Variants in BRINP2 observed in about 807,000 individuals in gnomAD.
BRINP2 encodes the protein BMP/retinoic acid inducible neural specific 2, also known as BMP/retinoic acid-inducible neural-specific protein 2.
In BRINP2, 21 loss-of-function variants were observed where a neutral mutation model predicts 69.2. The observed-to-expected ratio is 0.30, with a 90% CI of 0.22 to 0.44. BRINP2 has a LOEUF of 0.44. Among genes scored for constraint, BRINP2 ranks in the 20% least tolerant of loss-of-function variants. BRINP2 has a pLI of 1.00. For synonymous variants in BRINP2, 380 were observed against 394.1 expected (o/e 0.96, Z 0.42); for missense variants, 877 against 986.0 (o/e 0.89, Z 1.48).
intron 1 of BRINP2, among the ~76,000 whole-genome samples, chr1:177,203,204 A>C (rs1477137953): frequency 6.6e-6 from 1 of 150,822 alleles, no homozygotes; most frequent in East Asian, 2.0e-4. Flanking sequence ...GGAAACCATC[A>C]TTCTCAGCAA....
chr1:177,281,625 C>T lies in BRINP2; in HGVS notation c.*97C>T, dbSNP rs1651705485. On this transcript the variant is annotated 3_prime_UTR_variant, in exon 8 of 8. Transcript: ENST00000361539. ...CACCTTAGTGCCAACAGGGTGTGCT[C>T]CCACGAGACTTTCAGCATCCAGTAG... 2.8e-6 allele frequency: 4 copies of T among 1,447,152 alleles called. No homozygotes were observed. Among genetic ancestry groups the T allele is most frequent in the South Asian group, 1.4e-5 (1 of 72,914 alleles). The allele number at this position is 1,447,152 out of a possible 1,614,324, so 89.6% of individuals were successfully genotyped here.
At chr1:177,257,066 G>T (rs770382306) in intron 3 of BRINP2, 110 bp from the exon 4 acceptor site, 2 of 1,565,566 alleles carry the variant, frequency 1.3e-6, no homozygotes, top group African/African-American at 2.7e-5. Context: ...GGCAGCAGGG[G>T]CTGCACTCTC....
At chr1:177,256,285 A>G in intron 3 of BRINP2, 176 bp downstream of exon 3, 1 of 980,540 alleles carries the variant, frequency 1.0e-6, no homozygotes, top group Non-Finnish European at 1.2e-6. Context: ...TTACCCCAGA[A>G]CATCTCTATT....
At position 177,199,319 on chromosome 1, in the gene BRINP2, T is replaced by C. The variant is rs147012527; in HGVS notation, c.-77+27587T>C. Among the ~76,000 whole-genome samples, 772 of 152,262 alleles carry C rather than the reference T, an allele frequency of 5.1e-3. 7 individuals carry two copies. Among genetic ancestry groups the C allele is most frequent in the African/African-American group, 0.018 (739 of 41,544 alleles). On this transcript the variant is annotated intron_variant, in intron 1 of 7. Transcript: ENST00000361539. ...GCCGCATACACTAGAGCACTTTTGT[T>C]TGACTTTTTAAGGACAACTTTGCCC...
At chr1:177,209,928 C>A (rs112112485) in intron 1 of BRINP2, among the ~76,000 whole-genome samples, 4,301 of 152,218 alleles carry the variant, frequency 0.028, 97 homozygotes, top group Non-Finnish European at 0.047. Flanking sequence ...AATTTCAGCA[C>A]CTGGCAACAA....
chr1:177,280,558 G>A lies in BRINP2; in HGVS notation c.1382G>A (p.Gly461Asp), dbSNP rs752549446. ...SCQGPIPCALGEGPACAHCAP... is the reference protein window; with the variant it reads ...SCQGPIPCALDEGPACAHCAP... ...CAGGGCCCCATCCCATGTGCCTTGG[G>A]CGAAGGGCCCGCGTGTGCCCACTGT... Residue 461 changes from glycine (G) to aspartate (D), a missense_variant, in exon 8 of 8, where the codon GGC becomes GAC. This residue lies in a region of BRINP2 where 566 missense variants were observed against 625.2 expected (regional missense o/e 0.91). Coordinates refer to ENST00000361539, the MANE Select transcript of BRINP2 (RefSeq NM_021165.4). 6.2e-7 allele frequency: 1 copy of A among 1,614,164 alleles called. No individual in the cohort carries two copies. Among genetic ancestry groups the A allele is most frequent in the Admixed American group, 1.7e-5 (1 of 60,024 alleles).
intron 2 of BRINP2, among the ~76,000 whole-genome samples, chr1:177,250,353 GT>G (rs1184642037): frequency 1.7e-4 from 25 of 150,700 alleles, no homozygotes; most frequent in Admixed American, 1.4e-3. Context: ...TTGAGATGGA[GT>G]CTTGCCCTGT....
intron 1 of BRINP2, among the ~76,000 whole-genome samples, chr1:177,194,352 T>C (rs180752629): frequency 1.3e-5 from 2 of 152,284 alleles, no homozygotes; most frequent in East Asian, 1.9e-4. Context: ...CACTTTGCCA[T>C]TGTTTGTTAT....
At chr1:177,268,552 C>T (rs926883422) in intron 4 of BRINP2, among the ~76,000 whole-genome samples, 1 of 152,180 alleles carries the variant, frequency 6.6e-6, no homozygotes, top group Non-Finnish European at 1.5e-5. Context: ...ACATATGCAC[C>T]TTTTTGTTTA....
intron 1 of BRINP2, among the ~76,000 whole-genome samples, chr1:177,223,670 T>C (rs1321135644): frequency 6.6e-6 from 1 of 152,178 alleles, no homozygotes; most frequent in Non-Finnish European, 1.5e-5. Context: ...TGTAAGAATA[T>C]TTAGTAAACA....
intron 1 of BRINP2, among the ~76,000 whole-genome samples, chr1:177,200,721 C>T (rs1204122234): frequency 6.6e-6 from 1 of 152,146 alleles, no homozygotes; most frequent in Admixed American, 6.6e-5. Flanking sequence ...TTCTTCCTGG[C>T]ATTTATGATC....
chr1:177,263,618 G>A (rs911413629), intron 4 of BRINP2, among the ~76,000 whole-genome samples: 30 of 152,138 alleles, frequency 2.0e-4, no homozygotes, highest in African/African-American at 7.0e-4. Flanking sequence ...GATTATATGG[G>A]ATTTTGCTAA....
intron 1 of BRINP2, among the ~76,000 whole-genome samples, chr1:177,184,786 T>C (rs953017427): frequency 6.6e-6 from 1 of 151,886 alleles, no homozygotes; most frequent in Non-Finnish European, 1.5e-5. Flanking sequence ...CCATTTCCAT[T>C]AAAATATGGG....
At chr1:177,190,626 A>C (rs1163449095) in intron 1 of BRINP2, among the ~76,000 whole-genome samples, 1 of 152,086 alleles carries the variant, frequency 6.6e-6, no homozygotes, top group Admixed American at 6.5e-5. Context: ...GGCAAACTGG[A>C]CCCTGCTGAT....
chr1:177,244,318 C>T (rs185646649), intron 2 of BRINP2, among the ~76,000 whole-genome samples: 9 of 152,336 alleles, frequency 5.9e-5, no homozygotes, highest in Admixed American at 1.3e-4. Flanking sequence ...ACTGCCTTCA[C>T]GTCTTACTTA....
At chr1:177,230,264 G>T in intron 2 of BRINP2, 119 bp downstream of exon 2, 2 of 1,135,324 alleles carry the variant, frequency 1.8e-6, no homozygotes, top group South Asian at 3.8e-5. Context: ...TGAGCTAGAG[G>T]TGAAAGCTGG....
At position 177,255,899 on chromosome 1, in the gene BRINP2, T is replaced by C; in HGVS notation, c.270-20T>C. 6.2e-7 allele frequency: 1 copy of C among 1,612,354 alleles called. No individual in the cohort carries two copies. Among genetic ancestry groups the C allele is most frequent in the Non-Finnish European group, 8.5e-7 (1 of 1,179,038 alleles). On this transcript the variant is annotated intron_variant, in intron 2 of 7. Coordinates refer to ENST00000361539, the MANE Select transcript of BRINP2 (RefSeq NM_021165.4). The stretch of plus-strand genomic sequence containing the variant: ...CTGAAACGAGGTCAGCTTTTCCTTA[T>C]CCCTTGGCTTTTCCCCCAGGGAGTT...
Position 177,280,466 on chromosome 1 carries a change from C to A in BRINP2, c.1290C>A (p.Ser430Arg). The A allele has an allele frequency of 6.2e-7, 1 of 1,613,990 alleles. No homozygotes were observed. The highest frequency in any genetic ancestry group is 8.5e-7 in the Non-Finnish European group (1 of 1,179,896). ...RIQSLLYCGE[S>R]TFPGTFLEQS... ...AGTCCCTCCTCTACTGTGGGGAAAG[C>A]ACCTTTCCTGGCACTTTCCTGGAAC... The change falls in exon 8 of 8, where the codon AGC becomes AGA. Residue 430 changes from serine to arginine, a missense_variant. Around this residue, in one of 3 missense-constraint regions of BRINP2, gnomAD observed 566 missense variants for 625.2 expected, o/e 0.91. Transcript: ENST00000361539.
At chr1:177,250,012 CTTTTT>C (rs1287840036) in intron 2 of BRINP2, among the ~76,000 whole-genome samples, 1 of 152,192 alleles carries the variant, frequency 6.6e-6, no homozygotes, top group Non-Finnish European at 1.5e-5. Context: ...CCTAATGTTT[CTTTTT>C]TGAGACAGGA....
Sources: gnomAD v4.1 joint callset for allele counts (sites outside exome capture counted in the v4.1 genomes callset) on GRCh38, gnomAD v4.1.1 for gene constraint, gnomAD v4.1.1 regional missense constraint, MANE v1.5 for transcripts, NCBI Gene and HGNC (gene_info 2026-07-23, HGNC 2026-07-21) for gene names.